NHSL2: variants seen among roughly 807,000 people sequenced by gnomAD.
NHSL2 encodes the protein NHS-like protein 2.
NHSL2 carries 27 observed loss-of-function variants against 53.4 expected under a neutral mutation model. That is an observed-to-expected ratio of 0.51 (90% CI 0.37 to 0.70). The LOEUF is 0.70. Among genes scored for constraint, NHSL2 ranks in the 30% least tolerant of loss-of-function variants. The pLI, the probability that NHSL2 is intolerant of heterozygous loss-of-function variation, is 0.00. For synonymous variants in NHSL2, 408 were observed against 404.1 expected (o/e 1.01, Z -0.12); for missense variants, 892 against 980.1 (o/e 0.91, Z 1.20).
chrX:72,117,505 G>C (rs766359771), intron 1 of NHSL2, among the ~76,000 whole-genome samples: 35 of 109,032 alleles, frequency 3.2e-4, no homozygotes, highest in Middle Eastern at 9.2e-3. Flanking sequence ...AATATATCCA[G>C]AGTTGCACAG....
intron 5 of NHSL2, among the ~76,000 whole-genome samples, chrX:72,138,226 A>G (rs766621678): frequency 8.9e-6 from 1 of 112,321 alleles, no homozygotes; most frequent in South Asian, 3.7e-4. Context: ...TTTGGCAGCC[A>G]TCTGGACCAT....
chrX:71,922,580 G>A (rs1212369424), intron 1 of NHSL2, among the ~76,000 whole-genome samples: 1 of 112,165 alleles, frequency 8.9e-6, no homozygotes, highest in Non-Finnish European at 1.9e-5. Context: ...GGGAGCCTGA[G>A]GCGGGAGGAT....
intron 1 of NHSL2, among the ~76,000 whole-genome samples, chrX:71,949,296 G>A (rs750561760): frequency 3.5e-4 from 39 of 111,179 alleles, no homozygotes; most frequent in African/African-American, 1.3e-3. Flanking sequence ...TGGGCTGGGC[G>A]TGGGTGAGAA....
chrX:72,033,304 A>G (rs1253920353), intron 1 of NHSL2, among the ~76,000 whole-genome samples: 1 of 108,046 alleles, frequency 9.3e-6, no homozygotes, highest in Non-Finnish European at 1.9e-5. Flanking sequence ...CTCCTCCGTC[A>G]GCCTTCCAGG....
chrX:72,018,809 G>T (rs941694740), intron 1 of NHSL2, among the ~76,000 whole-genome samples: 2 of 112,942 alleles, frequency 1.8e-5, no homozygotes, highest in East Asian at 5.6e-4. Flanking sequence ...CGCTGCTCTG[G>T]CTGCCAAAGG....
intron 1 of NHSL2, among the ~76,000 whole-genome samples, chrX:72,058,064 T>G (rs1377597437): frequency 1.8e-5 from 2 of 112,339 alleles, no homozygotes; most frequent in Non-Finnish European, 1.9e-5. Context: ...AGAAGAGCAC[T>G]GTGCAATTGT....
chrX:72,010,270 C>T (rs761140086), intron 1 of NHSL2, among the ~76,000 whole-genome samples: 6 of 112,117 alleles, frequency 5.4e-5, no homozygotes, highest in South Asian at 3.8e-4. Context: ...CCTTGAGGCT[C>T]ACGGGCAGGG....
chrX:71,970,629 C>T (rs375721757), intron 1 of NHSL2, among the ~76,000 whole-genome samples: 4 of 93,077 alleles, frequency 4.3e-5, no homozygotes, highest in Admixed American at 2.4e-4. Flanking sequence ...TAATTTTGTT[C>T]TTTTTTTTTT....
chrX:71,991,892 T>C (rs1164351692), intron 1 of NHSL2, among the ~76,000 whole-genome samples: 2 of 111,161 alleles, frequency 1.8e-5, no homozygotes, highest in South Asian at 3.8e-4. Context: ...TAAGACTCCA[T>C]AGAGATACGC....
At chrX:72,136,557 C>A (rs979844603) in intron 4 of NHSL2, among the ~76,000 whole-genome samples, 1 of 112,006 alleles carries the variant, frequency 8.9e-6, no homozygotes, top group African/African-American at 3.3e-5. Context: ...GACTGTAGGA[C>A]AGACTATCAG....
intron 1 of NHSL2, among the ~76,000 whole-genome samples, chrX:71,951,246 T>C (rs1189688338): frequency 8.9e-6 from 1 of 111,954 alleles, no homozygotes; most frequent in African/African-American, 3.3e-5. Context: ...AAGTCTTACC[T>C]GCACTGACAG....
intron 1 of NHSL2, chrX:72,130,715 A>G (rs1168421818): frequency 3.3e-6 from 4 of 1,211,703 alleles, no homozygotes; most frequent in Non-Finnish European, 4.5e-6. Flanking sequence ...CCTTTGAGGA[A>G]TTGGTTTTGG....
chrX:72,112,376 T>C (rs1395709944), intron 1 of NHSL2, among the ~76,000 whole-genome samples: 1 of 112,075 alleles, frequency 8.9e-6, no homozygotes, highest in African/African-American at 3.2e-5. Flanking sequence ...AATTCACCTA[T>C]TTAATGCATA....
intron 1 of NHSL2, among the ~76,000 whole-genome samples, chrX:72,065,023 T>C (rs1602341606): frequency 9.0e-6 from 1 of 111,548 alleles, no homozygotes. Context: ...CTTACAGCAG[T>C]GAACCCATCA....
chrX:71,964,302 G>A (rs1822123631), intron 1 of NHSL2, among the ~76,000 whole-genome samples: 1 of 97,482 alleles, frequency 1.0e-5, no homozygotes, highest in Admixed American at 1.1e-4. Flanking sequence ...TTATGAGTGG[G>A]AACATGCAGT....
chrX:72,140,351 G>A lies in NHSL2; in HGVS notation c.2803G>A (p.Gly935Ser). ...ACCAAAGCCCTCCAGCTTCCCAGAT[G>A]GCAGAAGCCCAGGGGAGTCAACAGC... The part of the protein sequence containing the change: ...RKPKPSSFPD[G>S]RSPGESTAPS... The change falls in exon 6 of 8, where the codon GGC becomes AGC. Residue 935 changes from glycine (G) to serine (S), a missense_variant. Physicochemically the swap from Gly to Ser is moderately conservative, Grantham distance 56. Coordinates refer to ENST00000633930, the MANE Select transcript of NHSL2 (RefSeq NM_001013627.3). 8.3e-7 allele frequency: 1 copy of A among 1,211,300 alleles called. No homozygotes were observed. Among genetic ancestry groups the A allele is most frequent in the South Asian group, 1.8e-5 (1 of 56,894 alleles).
At chrX:72,104,185 G>C (rs1462583920) in intron 1 of NHSL2, among the ~76,000 whole-genome samples, 1 of 110,014 alleles carries the variant, frequency 9.1e-6, no homozygotes, top group Non-Finnish European at 1.9e-5. Context: ...GCTGCTGCAG[G>C]TGCCTTAAAT....
Position 72,139,503 on chromosome X carries a change from T to C in NHSL2, c.1955T>C (p.Leu652Pro), listed in dbSNP as rs754542831. 5.8e-6 allele frequency: 7 copies of C among 1,211,218 alleles called. No homozygotes were observed. Among genetic ancestry groups the C allele is most frequent in the Non-Finnish European group, 6.7e-6 (6 of 894,924 alleles). The change falls in exon 6 of 8, where the codon CTG becomes CCG. Residue 652 changes from leucine to proline, a missense_variant. Physicochemically the swap from Leu to Pro is moderately conservative, Grantham distance 98. Transcript: ENST00000633930. Reference protein sequence around the residue: ...DWKSGDTYQSLSSSSTATGTT... With the variant: ...DWKSGDTYQSPSSSSTATGTT... ...AAGTCTGGTGACACCTACCAATCCC[T>C]GTCCAGCTCCAGCACTGCCACTGGC...
intron 1 of NHSL2, among the ~76,000 whole-genome samples, chrX:71,973,192 T>C (rs1602287887): frequency 1.8e-5 from 2 of 112,191 alleles, no homozygotes; most frequent in East Asian, 5.6e-4. Context: ...AGGAATGTTT[T>C]GCAGTCTGTC....
Sources: allele counts gnomAD v4.1 joint callset (sites outside exome capture counted in the v4.1 genomes callset), GRCh38; gene constraint gnomAD v4.1.1; transcripts MANE v1.5; gene names NCBI Gene and HGNC (gene_info 2026-07-23, HGNC 2026-07-21).